PCDH15: variants seen among roughly 807,000 people sequenced by gnomAD.
The protein encoded by PCDH15 is protocadherin related 15.
A neutral mutation model predicts 178.5 loss-of-function variants in PCDH15; 129 were observed. That is an observed-to-expected ratio of 0.72 (90% CI 0.63 to 0.84). PCDH15 has a LOEUF of 0.84. Ranked by LOEUF, PCDH15 falls within the 40% of genes least tolerant of loss-of-function variation. The pLI, the probability that PCDH15 is intolerant of heterozygous loss-of-function variation, is 0.00. For synonymous variants in PCDH15, 800 were observed against 732.0 expected, an observed-to-expected ratio of 1.09 and a Z score of -1.50; for missense variants, 2,230 against 2,099.9, an observed-to-expected ratio of 1.06 and a Z score of -1.21.
intron 2 of PCDH15, among the ~76,000 whole-genome samples, chr10:54,610,332 T>C (rs2092919753): frequency 6.6e-6 from 1 of 151,956 alleles, no homozygotes. Context: ...TTATATTGTT[T>C]AGTACAAGGC....
chr10:54,949,657 A>G (rs1385873315), intron 2 of PCDH15, among the ~76,000 whole-genome samples: 1 of 151,930 alleles, frequency 6.6e-6, no homozygotes, highest in Non-Finnish European at 1.5e-5. Context: ...CAAACCATCT[A>G]TTTGTGAATG....
At chr10:55,514,428 G>A (rs1220960061) in intron 2 of PCDH15, among the ~76,000 whole-genome samples, 1 of 152,142 alleles carries the variant, frequency 6.6e-6, no homozygotes, top group Non-Finnish European at 1.5e-5. Context: ...ACTGGCAAAA[G>A]GCAGATTAAC....
At chr10:54,343,499 T>C (rs933528795) in intron 6 of PCDH15, among the ~76,000 whole-genome samples, 5 of 152,174 alleles carry the variant, frequency 3.3e-5, no homozygotes, top group African/African-American at 7.2e-5. Context: ...TATAGAAGTG[T>C]GAAAATGCAC....
At chr10:55,095,354 T>C (rs58866648) in intron 2 of PCDH15, among the ~76,000 whole-genome samples, 6,166 of 152,116 alleles carry the variant, frequency 0.041, 299 homozygotes, top group East Asian at 0.14. Context: ...GTTAAATATA[T>C]TAATTTTGAG....
chr10:55,480,082 C>T (rs546646900), intron 2 of PCDH15, among the ~76,000 whole-genome samples: 135 of 151,652 alleles, frequency 8.9e-4, no homozygotes, highest in Non-Finnish European at 1.5e-3. Flanking sequence ...CTATAAATTG[C>T]TTTGGGTAGT....
intron 13 of PCDH15, among the ~76,000 whole-genome samples, chr10:54,164,811 T>TC (rs2046056629): frequency 6.6e-6 from 1 of 152,172 alleles, no homozygotes; most frequent in Non-Finnish European, 1.5e-5. Flanking sequence ...AGTCATAAGA[T>TC]ATTATATCTA....
intron 3 of PCDH15, among the ~76,000 whole-genome samples, chr10:54,523,329 C>T (rs1295514979): frequency 6.6e-6 from 1 of 152,056 alleles, no homozygotes; most frequent in Non-Finnish European, 1.5e-5. Flanking sequence ...AAGTAGTGTA[C>T]TTTAACAGTG....
intron 1 of PCDH15, among the ~76,000 whole-genome samples, chr10:54,682,308 T>G (rs2094915413): frequency 6.6e-6 from 1 of 152,162 alleles, no homozygotes; most frequent in Non-Finnish European, 1.5e-5. Context: ...CTTAAAACAC[T>G]TGGATAGTAG....
intron 1 of PCDH15, among the ~76,000 whole-genome samples, chr10:55,308,778 A>T (rs1843496806): frequency 6.6e-6 from 1 of 152,150 alleles, no homozygotes; most frequent in South Asian, 2.1e-4. Context: ...GCAATCCTTC[A>T]TTTAAGAGAA....
intron 3 of PCDH15, among the ~76,000 whole-genome samples, chr10:54,465,963 T>C (rs538947439): frequency 1.1e-4 from 16 of 152,130 alleles, no homozygotes; most frequent in South Asian, 4.1e-4. Context: ...TGGTATCTCA[T>C]GATTTTGATT....
chr10:54,596,773 C>A (rs563560731), intron 2 of PCDH15, among the ~76,000 whole-genome samples: 2 of 151,932 alleles, frequency 1.3e-5, no homozygotes, highest in South Asian at 4.1e-4. Flanking sequence ...GCAAAGAGAA[C>A]ACAGAAAAAA....
intron 2 of PCDH15, among the ~76,000 whole-genome samples, chr10:55,081,317 T>C (rs1481896213): frequency 6.6e-6 from 1 of 152,166 alleles, no homozygotes; most frequent in African/African-American, 2.4e-5. Context: ...ATGTCCCTAG[T>C]CAGCCAGCTT....
At chr10:55,304,939 C>T (rs16907227) in intron 1 of PCDH15, among the ~76,000 whole-genome samples, 26,184 of 152,024 alleles carry the variant, frequency 0.17, 3,279 homozygotes, top group African/African-American at 0.36. Context: ...AACTATTTCC[C>T]TCAAGTAGAT....
At chr10:54,938,661 TAAC>T (rs1376665068) in intron 2 of PCDH15, among the ~76,000 whole-genome samples, 3 of 152,190 alleles carry the variant, frequency 2.0e-5, no homozygotes, top group African/African-American at 7.2e-5. Context: ...CACCTCCTAA[TAAC>T]AGAAACTGTT....
chr10:55,021,750 A>G (rs1307271768), intron 2 of PCDH15, among the ~76,000 whole-genome samples: 1 of 152,158 alleles, frequency 6.6e-6, no homozygotes, highest in Non-Finnish European at 1.5e-5. Flanking sequence ...ACTTTTCTAT[A>G]TGTATCTTGA....
intron 2 of PCDH15, among the ~76,000 whole-genome samples, chr10:55,490,863 A>G (rs1253877408): frequency 6.6e-6 from 1 of 151,818 alleles, no homozygotes; most frequent in African/African-American, 2.4e-5. Context: ...AAGTTGTTAT[A>G]AGCCAGATAA....
At chr10:55,510,149 T>C (rs1840847310) in intron 2 of PCDH15, among the ~76,000 whole-genome samples, 1 of 152,018 alleles carries the variant, frequency 6.6e-6, no homozygotes, top group African/African-American at 2.4e-5. Flanking sequence ...ATATTAACTC[T>C]AAAAAATGTT....
intron 25 of PCDH15, among the ~76,000 whole-genome samples, chr10:53,930,011 A>G (rs1320913737): frequency 6.6e-6 from 1 of 152,170 alleles, no homozygotes; most frequent in African/African-American, 2.4e-5. Flanking sequence ...ATAAGCTTCT[A>G]TAGATGTTCT....
intron 1 of PCDH15, among the ~76,000 whole-genome samples, chr10:54,707,883 A>G (rs1019860521): frequency 6.6e-6 from 1 of 152,210 alleles, no homozygotes; most frequent in African/African-American, 2.4e-5. Context: ...AATAAAGGAC[A>G]TGATATAAAC....
Sources: gnomAD v4.1 joint callset for allele counts (sites outside exome capture counted in the v4.1 genomes callset) on GRCh38, gnomAD v4.1.1 for gene constraint, MANE v1.5 for transcripts, NCBI Gene and HGNC (gene_info 2026-07-23, HGNC 2026-07-21) for gene names.